SGCZ: variants seen among roughly 807,000 people sequenced by gnomAD.
SGCZ encodes sarcoglycan zeta.
Under a neutral mutation model 41.3 loss-of-function variants are expected in SGCZ, and 40 were observed. That is an observed-to-expected ratio of 0.97 (90% CI 0.75 to 1.26). SGCZ has a LOEUF of 1.26. Ranked by LOEUF, SGCZ falls within the 50% of genes most tolerant of loss-of-function variation. The pLI is 0.00. For missense variants in SGCZ, 552 were observed against 369.8 expected (o/e 1.49, Z -4.04); for synonymous variants, 206 against 137.5 (o/e 1.50, Z -3.49).
intron 1 of SGCZ, among the ~76,000 whole-genome samples, chr8:14,822,824 A>C (rs939944700): frequency 2.0e-5 from 3 of 152,096 alleles, no homozygotes; most frequent in South Asian, 4.1e-4. Flanking sequence ...AGTAAACTCA[A>C]AATGAATTCA....
chr8:14,230,744 C>A (rs1025322658), intron 4 of SGCZ, among the ~76,000 whole-genome samples: 1 of 134,068 alleles, frequency 7.5e-6, no homozygotes, highest in Non-Finnish European at 1.7e-5. Flanking sequence ...GTCTTCTTTC[C>A]TTCTTTTTTT....
chr8:15,117,314 A>G (rs7462844), intron 1 of SGCZ, among the ~76,000 whole-genome samples: 25,092 of 151,690 alleles, frequency 0.17, 2,283 homozygotes, highest in Non-Finnish European at 0.21. Context: ...AGCCGAGATC[A>G]CACCACTGCA....
At chr8:14,558,574 T>TAGACAG (rs1554539155) in intron 1 of SGCZ, among the ~76,000 whole-genome samples, 15 of 99,748 alleles carry the variant, frequency 1.5e-4, no homozygotes, top group South Asian at 9.0e-4. Flanking sequence ...GAATGACTCT[T>TAGACAG]AGAGAGAGAG....
chr8:14,085,838 T>C lies in SGCZ; in HGVS notation c.*4605A>G, dbSNP rs866684099. ...GAAGGATGTTTACTACCTCATGTTATAATTATAAGCCCCCCTATTCATTTG... is the reference window on the plus strand; with the variant it reads ...GAAGGATGTTTACTACCTCATGTTACAATTATAAGCCCCCCTATTCATTTG... On this transcript the variant is annotated 3_prime_UTR_variant, in exon 8 of 8. Transcript: ENST00000382080. Among the ~76,000 whole-genome samples, 1 of 151,802 alleles carries C rather than the reference T, an allele frequency of 6.6e-6. No individual in the cohort carries two copies. The highest frequency in any genetic ancestry group is 2.1e-4 in the South Asian group (1 of 4,836).
intron 1 of SGCZ, among the ~76,000 whole-genome samples, chr8:14,842,174 T>G (rs1802944326): frequency 2.0e-5 from 3 of 152,114 alleles, no homozygotes; most frequent in Non-Finnish European, 1.5e-5. Flanking sequence ...ATAAATCTTC[T>G]GAAGTAAATG....
At chr8:15,134,141 A>T (rs1161425433) in intron 1 of SGCZ, among the ~76,000 whole-genome samples, 1 of 152,154 alleles carries the variant, frequency 6.6e-6, no homozygotes, top group Non-Finnish European at 1.5e-5. Flanking sequence ...AGCATCCTTT[A>T]AAAATCAAGC....
chr8:14,893,274 G>A (rs1279006809), intron 1 of SGCZ, among the ~76,000 whole-genome samples: 2 of 152,052 alleles, frequency 1.3e-5, no homozygotes, highest in African/African-American at 2.4e-5. Flanking sequence ...AAGGAATGTG[G>A]GGAGCTCTTA....
intron 1 of SGCZ, among the ~76,000 whole-genome samples, chr8:14,614,257 T>G (rs557788922): frequency 1.3e-5 from 2 of 152,264 alleles, no homozygotes; most frequent in Non-Finnish European, 1.5e-5. Context: ...ACTACTGGAT[T>G]TTTAAACAGC....
chr8:14,406,126 G>T lies in SGCZ; in HGVS notation c.235-81922C>A, dbSNP rs757514937. Among the ~76,000 whole-genome samples the T allele has an allele frequency of 3.9e-5, 6 of 152,004 alleles. No individual in the cohort carries two copies. The South Asian group carries it at 1.2e-3, about 31-fold the overall frequency. On this transcript the variant is annotated intron_variant, in intron 2 of 7. Coordinates refer to ENST00000382080, the MANE Select transcript of SGCZ (RefSeq NM_139167.4). ...AGTAAACTACAGTTTCCCATCTTCT[G>T]TGCTTTTTGAACATATCAAGCTTAT...
chr8:14,204,070 T>C (rs1327145948), intron 4 of SGCZ, among the ~76,000 whole-genome samples: 3 of 152,072 alleles, frequency 2.0e-5, no homozygotes, highest in Non-Finnish European at 2.9e-5. Context: ...GGCATTTCCA[T>C]ACTGATGGAG....
At chr8:14,434,866 CTACA>C (rs544705209) in intron 2 of SGCZ, among the ~76,000 whole-genome samples, 43 of 152,202 alleles carry the variant, frequency 2.8e-4, no homozygotes, top group African/African-American at 1.0e-3. Flanking sequence ...GAGGTCAAGG[CTACA>C]TGTAGTGAGC....
intron 3 of SGCZ, among the ~76,000 whole-genome samples, chr8:14,258,170 C>A (rs1394904510): frequency 6.6e-6 from 1 of 152,124 alleles, no homozygotes; most frequent in Non-Finnish European, 1.5e-5. Context: ...AATATAGATA[C>A]TAAACAATCA....
At chr8:15,189,357 G>A (rs1800454246) in intron 1 of SGCZ, among the ~76,000 whole-genome samples, 1 of 152,192 alleles carries the variant, frequency 6.6e-6, no homozygotes, top group South Asian at 2.1e-4. Flanking sequence ...TTTCTCTAGA[G>A]GAATCATGAC....
rs1285279120 is a variant in SGCZ, at chr8:14,732,121, A to ATT, written c.40-177197_40-177196dup. Reference sequence around the variant, plus strand: ...GCTGGAAAAAACACTCTATTCTTTGATTATTTAAGTGATAACAGGATCTAG... The same window carrying ATT: ...GCTGGAAAAAACACTCTATTCTTTGATTTTATTTAAGTGATAACAGGATCTAG... On this transcript the variant is annotated intron_variant, in intron 1 of 7. Coordinates refer to ENST00000382080, the MANE Select transcript of SGCZ (RefSeq NM_139167.4). Among the ~76,000 whole-genome samples, 5 of 152,302 alleles carry ATT rather than the reference A, an allele frequency of 3.3e-5. No individual in the cohort carries two copies. In the East Asian group the frequency reaches 7.7e-4, roughly 23 times the overall value.
At chr8:14,978,053 T>G (rs574673177) in intron 1 of SGCZ, among the ~76,000 whole-genome samples, 1 of 152,166 alleles carries the variant, frequency 6.6e-6, no homozygotes, top group Admixed American at 6.6e-5. Context: ...CTCTGAAGTT[T>G]CTTTTCCTGT....
intron 3 of SGCZ, among the ~76,000 whole-genome samples, chr8:14,277,355 C>T (rs968339290): frequency 2.8e-5 from 4 of 142,202 alleles, no homozygotes; most frequent in Admixed American, 1.4e-4. Flanking sequence ...ATGCCTTCCT[C>T]TTTATCTGGT....
chr8:14,291,479 G>A (rs1323097251), intron 3 of SGCZ, among the ~76,000 whole-genome samples: 2 of 151,842 alleles, frequency 1.3e-5, no homozygotes, highest in African/African-American at 4.8e-5. Context: ...ATTTATTTGT[G>A]CACTTTTATG....
intron 1 of SGCZ, among the ~76,000 whole-genome samples, chr8:14,989,758 C>A (rs938813685): frequency 3.3e-5 from 5 of 151,992 alleles, no homozygotes; most frequent in African/African-American, 1.2e-4. Context: ...AAAGAGAGAT[C>A]GAAAATAAGA....
chr8:14,222,656 G>C (rs984462412), intron 4 of SGCZ, among the ~76,000 whole-genome samples: 2 of 151,920 alleles, frequency 1.3e-5, no homozygotes, highest in African/African-American at 4.8e-5. Flanking sequence ...ATCGAAAAAT[G>C]AAACTTTACT....
Sources: allele counts gnomAD v4.1 joint callset (sites outside exome capture counted in the v4.1 genomes callset), GRCh38; gene constraint gnomAD v4.1.1; transcripts MANE v1.5; gene names NCBI Gene and HGNC (gene_info 2026-07-23, HGNC 2026-07-21).